The following LRP6 variants were observed in gnomAD, a reference collection of about 807,000 sequenced individuals.
LRP6 encodes the protein LDL receptor related protein 6.
Under a neutral mutation model 184.1 loss-of-function variants are expected in LRP6, and 43 were observed. That is an observed-to-expected ratio of 0.23 (90% CI 0.18 to 0.30). The LOEUF (loss-of-function observed/expected upper bound fraction) is 0.30. Ranked by LOEUF, LRP6 falls within the 10% of genes least tolerant of loss-of-function variation. The pLI is 1.00. For synonymous variants in LRP6, 719 were observed against 684.9 expected (o/e 1.05, Z -0.78); for missense variants, 1,571 against 2,005.3 (o/e 0.78, Z 4.14).
At chr12:12,214,540 C>A (rs903473564) in intron 2 of LRP6, among the ~76,000 whole-genome samples, 1 of 152,158 alleles carries the variant, frequency 6.6e-6, no homozygotes, top group African/African-American at 2.4e-5. Flanking sequence ...AAGCTTAATT[C>A]TTAAAAGGCA....
At chr12:12,241,479 A>G (rs1865064284) in intron 2 of LRP6, among the ~76,000 whole-genome samples, 1 of 152,234 alleles carries the variant, frequency 6.6e-6, no homozygotes, top group Non-Finnish European at 1.5e-5. Context: ...AATACGCTCC[A>G]TCATTTGTAC....
chr12:12,173,876 G>T (rs553981334), intron 7 of LRP6, among the ~76,000 whole-genome samples: 1 of 152,250 alleles, frequency 6.6e-6, no homozygotes, highest in East Asian at 1.9e-4. Context: ...CCAGCACCAG[G>T]TTTACAACTC....
intron 16 of LRP6, among the ~76,000 whole-genome samples, chr12:12,138,115 G>C (rs1282469935): frequency 6.6e-6 from 1 of 151,660 alleles, no homozygotes; most frequent in Non-Finnish European, 1.5e-5. Context: ...AGGCTGCAGT[G>C]AGCCAAGATC....
intron 1 of LRP6, among the ~76,000 whole-genome samples, chr12:12,258,011 T>A (rs1865514486): frequency 1.3e-5 from 2 of 151,768 alleles, no homozygotes; most frequent in Non-Finnish European, 1.5e-5. Context: ...AATAGTTATA[T>A]CCTAAAACCA....
chr12:12,127,539 A>G (rs1454724066), intron 19 of LRP6, among the ~76,000 whole-genome samples: 1 of 152,194 alleles, frequency 6.6e-6, no homozygotes, highest in East Asian at 1.9e-4. Context: ...ACCAAGGAAC[A>G]TAAGGTCTTT....
intron 14 of LRP6, among the ~76,000 whole-genome samples, chr12:12,148,344 T>G (rs1452098054): frequency 6.6e-6 from 1 of 152,164 alleles, no homozygotes; most frequent in African/African-American, 2.4e-5. Context: ...ATAAATCACT[T>G]CTTATATTTA....
chr12:12,264,751 GT>G (rs1244490730), intron 1 of LRP6, among the ~76,000 whole-genome samples: 1 of 151,740 alleles, frequency 6.6e-6, no homozygotes, highest in Non-Finnish European at 1.5e-5. Flanking sequence ...TCAAAAGACA[GT>G]TTTACTTCAA....
intron 2 of LRP6, among the ~76,000 whole-genome samples, chr12:12,216,234 T>A (rs1336199285): frequency 3.3e-5 from 5 of 151,692 alleles, no homozygotes; most frequent in Non-Finnish European, 4.4e-5. Flanking sequence ...GACCCCTCTA[T>A]CTATCATAAG....
At chr12:12,148,368 A>G (rs1283988961) in intron 14 of LRP6, among the ~76,000 whole-genome samples, 2 of 152,186 alleles carry the variant, frequency 1.3e-5, no homozygotes, top group African/African-American at 4.8e-5. Context: ...TCTAGATTTC[A>G]TCCTTTTCCT....
At position 12,192,382 on chromosome 12, in the gene LRP6, T is replaced by TA. The variant is rs1565626806; in HGVS notation, c.648-5264_648-5263insT. Among the ~76,000 whole-genome samples, 1,026 of 149,126 alleles carry TA rather than the reference T, an allele frequency of 6.9e-3. 9 individuals carry two copies. The highest frequency in any genetic ancestry group is 0.024 in the African/African-American group (964 of 40,598). ...AGGAACAAAGATGACATAAGATAATTTAAAAAAAAAAAAACACTAAAATGT... is the reference window on the plus strand; with the variant it reads ...AGGAACAAAGATGACATAAGATAATTATAAAAAAAAAAAAACACTAAAATGT... On this transcript the variant is annotated intron_variant, in intron 3 of 22. Coordinates refer to ENST00000261349, the MANE Select transcript of LRP6 (RefSeq NM_002336.3).
At chr12:12,243,601 C>T (rs780044192) in intron 2 of LRP6, among the ~76,000 whole-genome samples, 23 of 152,060 alleles carry the variant, frequency 1.5e-4, no homozygotes, top group Non-Finnish European at 3.4e-4. Flanking sequence ...AAACCCAAAA[C>T]GATTTACAGA....
chr12:12,251,100 T>A (rs1343272567), intron 1 of LRP6, among the ~76,000 whole-genome samples: 1 of 151,236 alleles, frequency 6.6e-6, no homozygotes, highest in Non-Finnish European at 1.5e-5. Flanking sequence ...CCAGCTAATT[T>A]TTTTGTATTT....
rs757872920 is a variant in LRP6, at chr12:12,162,251, C to G, written c.2221G>C (p.Val741Leu). 9 of 1,614,204 alleles carry G rather than the reference C, an allele frequency of 5.6e-6. No homozygotes were observed. The highest frequency in any genetic ancestry group is 1.3e-5 in the African/African-American group (1 of 75,054). Residue 741 changes from valine to leucine, a missense_variant, in exon 10 of 23, where the codon GTT becomes CTT. Val to Leu is a conservative substitution (Grantham distance 32). Coordinates refer to ENST00000261349, the MANE Select transcript of LRP6 (RefSeq NM_002336.3). ...CTATCTAGGTCTTTCCACACCAAAA[C>G]TTGTCGGTGCTGCCCATCCAACTTT... ...VSKLDGQHRQ[V>L]LVWKDLDSPR...
At chr12:12,187,868 G>A (rs745624128) in intron 3 of LRP6, among the ~76,000 whole-genome samples, 2 of 152,160 alleles carry the variant, frequency 1.3e-5, no homozygotes, top group Non-Finnish European at 2.9e-5. Context: ...AGCCTAGTTA[G>A]TACTTAAGGC....
chr12:12,121,430 G>A lies in LRP6; in HGVS notation c.4548-10C>T. On this transcript the variant is annotated splice_polypyrimidine_tract_variant and intron_variant, in intron 22 of 22. Transcript: ENST00000261349. ...GCTATATGGCCTGTAGCTGGTATAG[G>A]GAGAAAATAAAGAGAAGCAGTTAGT... 6.2e-7 allele frequency: 1 copy of A among 1,613,534 alleles called. No homozygotes were observed. Among genetic ancestry groups the A allele is most frequent in the Non-Finnish European group, 8.5e-7 (1 of 1,179,582 alleles).
intron 2 of LRP6, among the ~76,000 whole-genome samples, chr12:12,221,675 G>C (rs1040572315): frequency 6.6e-6 from 1 of 152,166 alleles, no homozygotes; most frequent in Non-Finnish European, 1.5e-5. Context: ...ACAGGGCTTA[G>C]AACCAGTGAA....
At chr12:12,141,058 A>G (rs1012268408) in intron 15 of LRP6, among the ~76,000 whole-genome samples, 3 of 152,192 alleles carry the variant, frequency 2.0e-5, no homozygotes, top group Non-Finnish European at 4.4e-5. Context: ...AAACCTTAGC[A>G]AAGAATACTT....
chr12:12,267,019 T>G lies in LRP6; in HGVS notation c.-284A>C. On this transcript the variant is annotated 5_prime_UTR_variant, in exon 1 of 23. Transcript: ENST00000261349. The stretch of plus-strand genomic sequence containing the variant: ...CCCGCGCAGCTCCTCATTCAGCCTC[T>G]GCCTCGCGCAGCGGCGCAGGGATAC... 1 of 466,310 alleles carries G rather than the reference T, an allele frequency of 2.1e-6. No homozygotes were observed. The allele number at this position is 466,310 out of a possible 1,614,324, so 28.9% of individuals were successfully genotyped here.
At chr12:12,139,787 GGCA>G (rs1201668189) in intron 15 of LRP6, among the ~76,000 whole-genome samples, 2 of 152,006 alleles carry the variant, frequency 1.3e-5, no homozygotes, top group African/African-American at 4.8e-5. Flanking sequence ...GGACAAAGAA[GGCA>G]GAAGAACAGA....
Sources: allele counts gnomAD v4.1 joint callset (sites outside exome capture counted in the v4.1 genomes callset), GRCh38; gene constraint gnomAD v4.1.1; transcripts MANE v1.5; gene names NCBI Gene and HGNC (gene_info 2026-07-23, HGNC 2026-07-21).